YKT6: variants seen among roughly 807,000 people sequenced by gnomAD.
YKT6 encodes synaptobrevin homolog YKT6.
In YKT6, 12 loss-of-function variants were observed where a neutral mutation model predicts 29.3. The ratio of observed to expected loss-of-function variants is 0.41; its 90% confidence interval spans 0.26 to 0.66. The LOEUF (loss-of-function observed/expected upper bound fraction) is 0.66. Ranked by LOEUF, YKT6 falls within the 30% of genes least tolerant of loss-of-function variation. The probability of loss-of-function intolerance (pLI) is 0.32; values close to 1 mark genes in which losing one functional copy is unlikely to be tolerated. For missense variants in YKT6, 188 were observed against 243.8 expected (o/e 0.77, Z 1.52); for synonymous variants, 86 against 94.3 (o/e 0.91, Z 0.51).
intron 1 of YKT6, among the ~76,000 whole-genome samples, chr7:44,201,865 C>T (rs76616466): frequency 2.0e-5 from 3 of 152,308 alleles, no homozygotes; most frequent in Non-Finnish European, 4.4e-5. Flanking sequence ...TCACAACCAG[C>T]TAGAACTGAA....
chr7:44,207,180 T>C (rs2096341716), intron 3 of YKT6, among the ~76,000 whole-genome samples: 1 of 152,180 alleles, frequency 6.6e-6, no homozygotes, highest in Non-Finnish European at 1.5e-5. Flanking sequence ...CTCAGAATAT[T>C]TAGGATATGT....
At chr7:44,208,024 C>T in intron 4 of YKT6, 109 bp from the exon 5 acceptor site, 2 of 1,185,804 alleles carry the variant, frequency 1.7e-6, no homozygotes. Context: ...GTGCCCGGCC[C>T]AGGCTGTGGT....
Position 44,212,438 on chromosome 7 carries a change from G to A in YKT6, c.*156G>A, listed in dbSNP as rs938162137. 67 of 924,720 alleles carry A rather than the reference G, an allele frequency of 7.2e-5. 1 individual carries two copies. In the African/African-American group the frequency reaches 7.4e-4, roughly 10 times the overall value. 57.3% of individuals were successfully genotyped at this position (924,720 alleles called of 1,614,324 possible). A position where few individuals can be genotyped will look rare whatever the true frequency, so the allele number is the denominator to read the frequency against. On this transcript the variant is annotated 3_prime_UTR_variant, in exon 7 of 7. Transcript: ENST00000223369. ...TTCCTGCGAGAAATGGATGGTGGAAGGGTGGCGAATGTTCAAATTCATATG... is the reference window on the plus strand; with the variant it reads ...TTCCTGCGAGAAATGGATGGTGGAAAGGTGGCGAATGTTCAAATTCATATG...
chr7:44,202,431 C>T (rs2096336786), intron 1 of YKT6, among the ~76,000 whole-genome samples: 1 of 152,160 alleles, frequency 6.6e-6, no homozygotes, highest in African/African-American at 2.4e-5. Flanking sequence ...CTATTAAACA[C>T]ATTCCCTTCT....
chr7:44,202,072 A>C (rs552945441), intron 1 of YKT6, among the ~76,000 whole-genome samples: 1 of 152,332 alleles, frequency 6.6e-6, no homozygotes, highest in East Asian at 1.9e-4. Context: ...CTCAGGCACG[A>C]AAGAAGGAGG....
chr7:44,213,855 C>G lies in YKT6; in HGVS notation c.*1573C>G, dbSNP rs1330937219. 6.6e-6 allele frequency: 1 copy of G among 152,288 alleles called. No individual in the cohort carries two copies. Among genetic ancestry groups the G allele is most frequent in the Admixed American group, 6.5e-5 (1 of 15,280 alleles). The allele number at this position is 152,288 out of a possible 1,614,324, so 9.4% of individuals were successfully genotyped here. A position where few individuals can be genotyped will look rare whatever the true frequency, so the allele number is the denominator to read the frequency against. On this transcript the variant is annotated 3_prime_UTR_variant, in exon 7 of 7. Coordinates refer to ENST00000223369, the MANE Select transcript of YKT6 (RefSeq NM_006555.4). ...GTACTGCTGGCCAGAGGACTTTAGCCTACCCCTGAAGAGCCTGTCCATGTC... is the reference window on the plus strand; with the variant it reads ...GTACTGCTGGCCAGAGGACTTTAGCGTACCCCTGAAGAGCCTGTCCATGTC...
intron 1 of YKT6, among the ~76,000 whole-genome samples, chr7:44,202,952 A>G (rs1348660270): frequency 1.3e-5 from 2 of 152,040 alleles, no homozygotes. Context: ...AGTACTTAAG[A>G]TTCTCAGAGA....
intron 2 of YKT6, among the ~76,000 whole-genome samples, chr7:44,206,135 T>G (rs75162537): frequency 6.6e-6 from 1 of 152,210 alleles, no homozygotes; most frequent in Non-Finnish European, 1.5e-5. Flanking sequence ...CCACTGGCTG[T>G]TTCTTTAAGC....
At chr7:44,203,067 A>G (rs2096337469) in intron 1 of YKT6, among the ~76,000 whole-genome samples, 1 of 152,176 alleles carries the variant, frequency 6.6e-6, no homozygotes, top group African/African-American at 2.4e-5. Flanking sequence ...TATGTCTTAA[A>G]ACAACACATG....
intron 5 of YKT6, among the ~76,000 whole-genome samples, chr7:44,209,713 G>A (rs903529718): frequency 6.6e-6 from 1 of 152,264 alleles, no homozygotes; most frequent in Non-Finnish European, 1.5e-5. Context: ...GCATCTAGCT[G>A]CTGCAGCAGT....
chr7:44,204,921 C>G (rs2096339302), intron 2 of YKT6, among the ~76,000 whole-genome samples: 1 of 152,254 alleles, frequency 6.6e-6, no homozygotes, highest in Non-Finnish European at 1.5e-5. Flanking sequence ...TCGTATTCTT[C>G]CCTATCCTCT....
intron 1 of YKT6, among the ~76,000 whole-genome samples, chr7:44,202,476 C>T (rs1562741136): frequency 6.6e-6 from 1 of 152,172 alleles, no homozygotes. Context: ...TCTAATTTGT[C>T]TCTGTGATTT....
chr7:44,204,513 G>T (rs2096338888), intron 1 of YKT6, 55 bp from the exon 2 acceptor site: 2 of 1,578,442 alleles, frequency 1.3e-6, no homozygotes, highest in African/African-American at 2.7e-5. Flanking sequence ...ACTTTCCACT[G>T]TGTTGGGGAC....
intron 1 of YKT6, among the ~76,000 whole-genome samples, chr7:44,202,742 C>A (rs569220737): frequency 2.6e-5 from 4 of 152,352 alleles, no homozygotes; most frequent in Admixed American, 2.6e-4. Flanking sequence ...GTACAAATAT[C>A]TCTTCAAGAC....
At chr7:44,210,314 T>C (rs562381535) in intron 5 of YKT6, among the ~76,000 whole-genome samples, 8 of 152,338 alleles carry the variant, frequency 5.3e-5, no homozygotes, top group Admixed American at 1.3e-4. Context: ...TGAGTGTCTG[T>C]CCCAGGCCTC....
rs1297282316 is a variant in YKT6, at chr7:44,201,022, A to G, written c.-114A>G. The G allele has an allele frequency of 7.9e-6, 6 of 761,536 alleles. No homozygotes were observed. Among genetic ancestry groups the G allele is most frequent in the Non-Finnish European group, 1.2e-5 (6 of 512,652 alleles). The allele number at this position is 761,536 out of a possible 1,614,324, so 47.2% of individuals were successfully genotyped here. ...GGAAGCCGGCGGTGGCCCCGTCAGCAGCCGGCTGCTGAGAGGCCGGTAGGC... is the reference window on the plus strand; with the variant it reads ...GGAAGCCGGCGGTGGCCCCGTCAGCGGCCGGCTGCTGAGAGGCCGGTAGGC... On this transcript the variant is annotated 5_prime_UTR_variant, in exon 1 of 7. Transcript: ENST00000223369.
chr7:44,211,652 G>A (rs2096346949), intron 6 of YKT6: 2 of 996,598 alleles, frequency 2.0e-6, no homozygotes, highest in Non-Finnish European at 2.4e-6. Context: ...TTGGCCCATG[G>A]TTGGATAGTC....
intron 5 of YKT6, 142 bp from the exon 6 acceptor site, chr7:44,210,881 C>A: frequency 1.3e-6 from 1 of 756,508 alleles, no homozygotes; most frequent in Non-Finnish European, 2.3e-6. Flanking sequence ...ATTCTTGGAC[C>A]GAGTCTCGAC....
At chr7:44,210,484 T>C (rs922132275) in intron 5 of YKT6, among the ~76,000 whole-genome samples, 8 of 152,226 alleles carry the variant, frequency 5.3e-5, no homozygotes, top group Admixed American at 2.6e-4. Context: ...TAATCCAGTA[T>C]TACCTCTTCC....
Sources: allele counts gnomAD v4.1 joint callset (sites outside exome capture counted in the v4.1 genomes callset), GRCh38; gene constraint gnomAD v4.1.1; transcripts MANE v1.5; gene names NCBI Gene and HGNC (gene_info 2026-07-23, HGNC 2026-07-21).